COL22A1: variants seen among roughly 807,000 people sequenced by gnomAD.
The protein encoded by COL22A1 is collagen alpha-1(XXII) chain.
COL22A1 carries 221 observed loss-of-function variants against 248.9 expected under a neutral mutation model. That is an observed-to-expected ratio of 0.89 (90% CI 0.80 to 0.99). COL22A1 has a LOEUF of 0.99. Among genes scored for constraint, COL22A1 ranks in the 50% least tolerant of loss-of-function variants. COL22A1 has a pLI of 0.00. For synonymous variants in COL22A1, 891 were observed against 793.4 expected (o/e 1.12, Z -2.07); for missense variants, 2,240 against 2,179.0 (o/e 1.03, Z -0.56).
At chr8:138,794,400 A>T (rs1816319943) in intron 12 of COL22A1, among the ~76,000 whole-genome samples, 1 of 151,448 alleles carries the variant, frequency 6.6e-6, no homozygotes, top group African/African-American at 2.4e-5. Context: ...AAAAAAAAAA[A>T]GGAGCTGCTG....
intron 16 of COL22A1, among the ~76,000 whole-genome samples, chr8:138,775,515 C>T (rs1814359514): frequency 6.6e-6 from 1 of 152,154 alleles, no homozygotes; most frequent in Non-Finnish European, 1.5e-5. Context: ...GGCTCAAATG[C>T]AGGTCACCAA....
chr8:138,632,661 A>G (rs1330292941), intron 49 of COL22A1, among the ~76,000 whole-genome samples: 1 of 152,174 alleles, frequency 6.6e-6, no homozygotes, highest in African/African-American at 2.4e-5. Flanking sequence ...AGGAAATTTG[A>G]TATAACTGTA....
chr8:138,820,446 T>A (rs1819016814), intron 7 of COL22A1, among the ~76,000 whole-genome samples: 1 of 151,954 alleles, frequency 6.6e-6, no homozygotes, highest in Non-Finnish European at 1.5e-5. Flanking sequence ...GGTATGTATT[T>A]CCAGAGGGAA....
intron 3 of COL22A1, among the ~76,000 whole-genome samples, chr8:138,874,440 C>G (rs984481556): frequency 6.6e-5 from 10 of 152,218 alleles, no homozygotes; most frequent in African/African-American, 2.2e-4. Flanking sequence ...TAACTCTACT[C>G]CCAAATGTTA....
intron 4 of COL22A1, among the ~76,000 whole-genome samples, chr8:138,843,069 C>T (rs1220874221): frequency 2.6e-5 from 4 of 152,122 alleles, no homozygotes; most frequent in East Asian, 1.9e-4. Flanking sequence ...GCAGTAGAGC[C>T]GGGTGCTTCT....
chr8:138,641,228 T>A (rs941195077), intron 47 of COL22A1, among the ~76,000 whole-genome samples: 2 of 152,118 alleles, frequency 1.3e-5, no homozygotes, highest in African/African-American at 4.8e-5. Flanking sequence ...ATCCCAAGGC[T>A]TTTTCAGGTA....
At chr8:138,853,066 CCCGGGAG>C (rs1469377127) in intron 3 of COL22A1, among the ~76,000 whole-genome samples, 1 of 151,976 alleles carries the variant, frequency 6.6e-6, no homozygotes, top group Non-Finnish European at 1.5e-5. Context: ...GTCCCAACTA[CCCGGGAG>C]CCTGAGGCAG....
At chr8:138,885,077 C>A (rs1824549063) in intron 1 of COL22A1, among the ~76,000 whole-genome samples, 2 of 152,190 alleles carry the variant, frequency 1.3e-5, no homozygotes, top group Admixed American at 1.3e-4. Flanking sequence ...CATTTGAAAT[C>A]ATGAGCCACC....
chr8:138,604,600 A>C (rs1818283353), intron 59 of COL22A1, 134 bp downstream of exon 59: 1 of 761,874 alleles, frequency 1.3e-6, no homozygotes, highest in Non-Finnish European at 2.2e-6. Context: ...AAAAGGCATT[A>C]AGAATTTCAA....
At chr8:138,664,250 C>T (rs1410888058) in intron 41 of COL22A1, among the ~76,000 whole-genome samples, 2 of 149,324 alleles carry the variant, frequency 1.3e-5, no homozygotes, top group Non-Finnish European at 3.0e-5. Flanking sequence ...CACACACACA[C>T]ACACACAGAT....
In COL22A1 at chr8:138,909,379, T is replaced by C. The variant is rs867610079; in HGVS notation, c.-73+4240A>G. Among the ~76,000 whole-genome samples, 1,089 of 151,906 alleles carry C rather than the reference T, an allele frequency of 7.2e-3. 15 individuals carry two copies. Among genetic ancestry groups the C allele is most frequent in the African/African-American group, 0.025 (1,051 of 41,400 alleles). ...TTATCTTTGTGGCTGACTTGCCTTT[T>C]TTTTTTTTTCTTTTTTTGTCTTTAT... On this transcript the variant is annotated intron_variant, in intron 1 of 64. Coordinates refer to ENST00000303045, the MANE Select transcript of COL22A1 (RefSeq NM_152888.3).
chr8:138,709,560 T>C (rs1362147023), intron 30 of COL22A1, among the ~76,000 whole-genome samples: 2 of 144,634 alleles, frequency 1.4e-5, no homozygotes, highest in African/African-American at 5.2e-5. Context: ...CACCCCATGT[T>C]CTCACTCATA....
At position 138,755,164 on chromosome 8, in the gene COL22A1, C is replaced by A. The variant is rs1341261738; in HGVS notation, c.2024G>T (p.Gly675Val). 1 of 1,614,134 alleles carries A rather than the reference C, an allele frequency of 6.2e-7. No individual in the cohort carries two copies. Reference sequence around the variant, plus strand: ...AGGAGAGGGACAACTTACCCGAGCTCCTGGAGGACCGGGGGCGCCTTGGTG... The same window carrying A: ...AGGAGAGGGACAACTTACCCGAGCTACTGGAGGACCGGGGGCGCCTTGGTG... ...RGHQGAPGPP[G>V]ARGPIGPEGR... The change falls in exon 21 of 65, where the codon GGA becomes GTA. Residue 675 changes from glycine (G) to valine (V), a missense_variant. Coordinates refer to ENST00000303045, the MANE Select transcript of COL22A1 (RefSeq NM_152888.3).
chr8:138,912,528 G>T (rs1815521855), intron 1 of COL22A1, among the ~76,000 whole-genome samples: 2 of 152,198 alleles, frequency 1.3e-5, no homozygotes, highest in Admixed American at 1.3e-4. Context: ...ATCACCTGAG[G>T]TCGGGAGTTG....
chr8:138,725,483 T>A (rs1189327094), intron 23 of COL22A1, 43 bp from the exon 24 acceptor site: 1 of 1,565,520 alleles, frequency 6.4e-7, no homozygotes, highest in South Asian at 1.1e-5. Context: ...TGGGTCCTGA[T>A]GAGCCTCCTA....
Position 138,636,757 on chromosome 8 carries a change from C to T in COL22A1, c.3540G>A (p.Gly1180=), listed in dbSNP as rs146442088. 6.1e-4 allele frequency: 987 copies of T among 1,613,318 alleles called. 4 individuals carry two copies. In the African/African-American group the frequency reaches 9.9e-3, roughly 16 times the overall value. ...QGERGADGEV[G]QKGDQGHPGV... ...AAATTTTTACCTGATCACCTTTCTG[C>T]CCAACCTCACCATCTGCACCACGTT... The change falls in exon 48 of 65, where the codon GGG becomes GGA. Residue 1180 remains glycine (G), a synonymous_variant. Transcript: ENST00000303045.
chr8:138,708,659 C>T (rs1245868969), intron 30 of COL22A1, among the ~76,000 whole-genome samples: 2 of 152,178 alleles, frequency 1.3e-5, no homozygotes. Flanking sequence ...AAGACTTAAA[C>T]ATTAGACCTA....
intron 27 of COL22A1, among the ~76,000 whole-genome samples, chr8:138,718,439 C>T (rs977674502): frequency 2.0e-5 from 3 of 152,164 alleles, no homozygotes; most frequent in Non-Finnish European, 4.4e-5. Context: ...ATCTGAAGTC[C>T]TCCCTGAATT....
chr8:138,597,210 T>C lies in COL22A1; in HGVS notation c.4366-240A>G, dbSNP rs115498172. 7.4e-3 allele frequency among the ~76,000 whole-genome samples: 1,131 copies of C among 152,318 alleles called. 14 individuals carry two copies. Among genetic ancestry groups the C allele is most frequent in the African/African-American group, 0.025 (1,052 of 41,578 alleles). On this transcript the variant is annotated intron_variant, in intron 61 of 64. Transcript: ENST00000303045. Reference sequence around the variant, plus strand: ...TGGGCTCTCTGAGCCACTACTGCCCTTCCTTCCATACCCTTCCAGCGTATT... The same window carrying C: ...TGGGCTCTCTGAGCCACTACTGCCCCTCCTTCCATACCCTTCCAGCGTATT...
Sources: gnomAD v4.1 joint callset for allele counts (sites outside exome capture counted in the v4.1 genomes callset) on GRCh38, gnomAD v4.1.1 for gene constraint, MANE v1.5 for transcripts, NCBI Gene and HGNC (gene_info 2026-07-23, HGNC 2026-07-21) for gene names.